Variants in COTL1 observed in about 807,000 individuals in gnomAD.
COTL1 encodes coactosin-like protein.
In COTL1, 15 loss-of-function variants were observed where a neutral mutation model predicts 16.5. The observed-to-expected ratio is 0.91, with a 90% CI of 0.61 to 1.40. COTL1 has a LOEUF of 1.40. Ranked by LOEUF, COTL1 falls within the 40% of genes most tolerant of loss-of-function variation. The probability of loss-of-function intolerance (pLI) is 0.00; values close to 1 mark genes in which losing one functional copy is unlikely to be tolerated. For missense variants in COTL1, 220 were observed against 201.5 expected (o/e 1.09, Z -0.56); for synonymous variants, 112 against 85.3 (o/e 1.31, Z -1.73).
chr16:84,571,146 T>G (rs1904329218), intron 3 of COTL1, among the ~76,000 whole-genome samples: 1 of 152,184 alleles, frequency 6.6e-6, no homozygotes, highest in Middle Eastern at 3.2e-3. Context: ...CATGAGCCTG[T>G]TGGCTCCCTT....
chr16:84,585,688 T>C (rs1021891561), intron 3 of COTL1, among the ~76,000 whole-genome samples: 6 of 152,108 alleles, frequency 3.9e-5, no homozygotes, highest in African/African-American at 1.4e-4. Context: ...GGCATGCCAG[T>C]CTCTGCATGG....
At chr16:84,576,178 C>T (rs1214920346) in intron 3 of COTL1, 2 of 152,324 alleles carry the variant, frequency 1.3e-5, no homozygotes, top group Admixed American at 6.5e-5. Context: ...CAAAGCCAGG[C>T]CCAGGGTTAG....
Position 84,590,996 on chromosome 16 carries a change from T to C in COTL1, c.161-734A>G, listed in dbSNP as rs1904847369. ...CATTGGCTGTGTTATGCTTGTTCTA[T>C]CTTATATAGTCATTTTTATTAAAAT... On this transcript the variant is annotated intron_variant, in intron 2 of 3. Coordinates refer to ENST00000262428, the MANE Select transcript of COTL1 (RefSeq NM_021149.5). This position sits in a 1 kb window ranked among gnomAD's most constrained non-coding sequence, Gnocchi z 5.5. Among the ~76,000 whole-genome samples, 1 of 152,208 alleles carries C rather than the reference T, an allele frequency of 6.6e-6. No individual in the cohort carries two copies. Among genetic ancestry groups the C allele is most frequent in the African/African-American group, 2.4e-5 (1 of 41,454 alleles).
At chr16:84,605,403 A>AAG (rs1905192534) in intron 2 of COTL1, among the ~76,000 whole-genome samples, 1 of 152,230 alleles carries the variant, frequency 6.6e-6, no homozygotes, top group African/African-American at 2.4e-5. Context: ...CGGCAGGCAA[A>AAG]ACAACGGCCC....
intron 3 of COTL1, chr16:84,567,704 C>T (rs1410006619): frequency 6.6e-6 from 1 of 152,308 alleles, no homozygotes; most frequent in Non-Finnish European, 1.5e-5. Context: ...GTCAGTCTTT[C>T]CTCTTGCAGT....
chr16:84,577,560 A>G (rs968799968), intron 3 of COTL1, among the ~76,000 whole-genome samples: 17 of 152,172 alleles, frequency 1.1e-4, no homozygotes, highest in African/African-American at 4.1e-4. Context: ...AGGTTCTTAT[A>G]ATAGGCATGA....
chr16:84,573,053 C>G (rs377348093), intron 3 of COTL1, among the ~76,000 whole-genome samples: 1 of 152,106 alleles, frequency 6.6e-6, no homozygotes, highest in Admixed American at 6.6e-5. Context: ...TTTGCCTGGC[C>G]GGGAATTTTC....
intron 3 of COTL1, 85 bp from the exon 4 acceptor site, chr16:84,567,040 C>G: frequency 2.2e-6 from 2 of 900,690 alleles, no homozygotes; most frequent in Non-Finnish European, 3.7e-6. Context: ...CACTGGGAAG[C>G]AAAGCACTGA....
At chr16:84,610,030 C>G (rs1172377897) in intron 2 of COTL1, among the ~76,000 whole-genome samples, 1 of 152,216 alleles carries the variant, frequency 6.6e-6, no homozygotes, top group Non-Finnish European at 1.5e-5. Flanking sequence ...GGTAGGAACA[C>G]AAGAAGTCCA....
chr16:84,574,764 A>G (rs753007952), intron 3 of COTL1, among the ~76,000 whole-genome samples: 1 of 151,976 alleles, frequency 6.6e-6, no homozygotes, highest in Non-Finnish European at 1.5e-5. Flanking sequence ...TTGTATTTTT[A>G]GTAGAGACGG....
chr16:84,601,408 A>G (rs1905103741), intron 2 of COTL1, among the ~76,000 whole-genome samples: 1 of 152,228 alleles, frequency 6.6e-6, no homozygotes, highest in Non-Finnish European at 1.5e-5. Flanking sequence ...CTGCCTGGGC[A>G]GCTGTGACCA....
intron 3 of COTL1, among the ~76,000 whole-genome samples, chr16:84,579,537 G>C (rs899051594): frequency 2.0e-5 from 3 of 152,214 alleles, no homozygotes; most frequent in Non-Finnish European, 4.4e-5. Context: ...TCAAGAGAAA[G>C]GACACAGGCT....
intron 2 of COTL1, among the ~76,000 whole-genome samples, chr16:84,592,310 T>A (rs957930735): frequency 1.3e-5 from 2 of 152,246 alleles, no homozygotes; most frequent in Admixed American, 1.3e-4. Context: ...TTACAATTCC[T>A]AAGTGGTGGT....
At chr16:84,615,119 C>T (rs1029447247) in intron 2 of COTL1, among the ~76,000 whole-genome samples, 1 of 152,304 alleles carries the variant, frequency 6.6e-6, no homozygotes, top group South Asian at 2.1e-4. Context: ...TATGAGGACA[C>T]GACGACAGGA....
chr16:84,598,662 C>T (rs1462728834), intron 2 of COTL1, among the ~76,000 whole-genome samples: 1 of 151,122 alleles, frequency 6.6e-6, no homozygotes, highest in Non-Finnish European at 1.5e-5. Flanking sequence ...CCCCAACCCC[C>T]CCCACCAACC....
chr16:84,581,991 T>A (rs1904606690), intron 3 of COTL1, among the ~76,000 whole-genome samples: 1 of 83,408 alleles, frequency 1.2e-5, no homozygotes, highest in African/African-American at 4.2e-5. Flanking sequence ...TTTTTTTTTT[T>A]TTTTTTTTTT....
At chr16:84,612,310 C>T (rs1416075389) in intron 2 of COTL1, among the ~76,000 whole-genome samples, 1 of 152,088 alleles carries the variant, frequency 6.6e-6, no homozygotes, top group Non-Finnish European at 1.5e-5. Context: ...GAGCTAAGCA[C>T]CTCTCATCAT....
rs376530038 is a variant in COTL1 at position 84,590,150 on chromosome 16, G to A, written c.273C>T (p.Arg91=). 110 of 1,614,068 alleles carry A rather than the reference G, an allele frequency of 6.8e-5. No individual in the cohort carries two copies. The highest frequency in any genetic ancestry group is 1.6e-4 in the Middle Eastern group (1 of 6,062). Residue 91 remains arginine, a synonymous_variant, in exon 3 of 4, where the codon CGC becomes CGT. Transcript: ENST00000262428. This position sits in a 1 kb window ranked among gnomAD's most constrained non-coding sequence, Gnocchi z 5.5. ...GGGTCTTGTCCGTCCCGGTTTTGGC[G>A]CGCTGCAGCCCGCTGACGTTCTCAC... ...WIGENVSGLQ[R]AKTGTDKTLV... is the part of the protein sequence containing the mutation.
intron 2 of COTL1, among the ~76,000 whole-genome samples, chr16:84,603,827 A>G (rs987679399): frequency 2.0e-5 from 3 of 151,974 alleles, no homozygotes; most frequent in Non-Finnish European, 4.4e-5. Context: ...GGCCAAGGCA[A>G]AGTTCTAGGA....
Sources: allele counts gnomAD v4.1 joint callset (sites outside exome capture counted in the v4.1 genomes callset), GRCh38; gene constraint gnomAD v4.1.1; non-coding constraint Gnocchi (gnomAD v3.1); transcripts MANE v1.5; gene names NCBI Gene and HGNC (gene_info 2026-07-23, HGNC 2026-07-21).